The following AHNAK2 variants were observed in gnomAD, a reference collection of about 807,000 sequenced individuals.
The protein encoded by AHNAK2 is AHNAK nucleoprotein 2.
In AHNAK2, 18 loss-of-function variants were observed where a neutral mutation model predicts 30.7. That is an observed-to-expected ratio of 0.59 (90% confidence interval 0.41 to 0.87). The LOEUF is 0.87. AHNAK2 is among the 40% of genes least tolerant of loss of function. The pLI is 0.00. For missense variants in AHNAK2, 8,604 were observed against 7,373.0 expected, an observed-to-expected ratio of 1.17 and a Z score of -6.11; for synonymous variants, 3,590 against 3,073.8, an observed-to-expected ratio of 1.17 and a Z score of -5.56.
chr14:104,971,501 C>T (rs1374078966), intron 1 of AHNAK2, among the ~76,000 whole-genome samples: 1 of 152,130 alleles, frequency 6.6e-6, no homozygotes. Flanking sequence ...CCTTCTGCCT[C>T]AGCCTCCCAA....
intron 1 of AHNAK2, among the ~76,000 whole-genome samples, chr14:104,973,368 G>A (rs761663113): frequency 1.3e-4 from 20 of 152,202 alleles, no homozygotes; most frequent in Admixed American, 4.6e-4. Flanking sequence ...CGTGAAGCTC[G>A]GCATTCTCAG....
Position 104,948,565 on chromosome 14 carries a change from C to G in AHNAK2, c.6886G>C (p.Asp2296His). The change falls in exon 7 of 7, where the codon GAT becomes CAT. Residue 2296 changes from aspartate to histidine, a missense_variant. Physicochemically the swap from Asp to His is moderately conservative, Grantham distance 81. Transcript: ENST00000333244. ...VDVKAPGAKL[D>H]GARLEGDMSL... is the part of the protein sequence containing the mutation. Reference sequence around the variant, plus strand: ...ATGTCCCCCTCCAGCCGCGCACCATCCAGCTTGGCTCCTGGGGCCTTGACG... The same window carrying G: ...ATGTCCCCCTCCAGCCGCGCACCATGCAGCTTGGCTCCTGGGGCCTTGACG... 3 of 1,612,758 alleles carry G rather than the reference C, an allele frequency of 1.9e-6. No homozygotes were observed. Among genetic ancestry groups the G allele is most frequent in the East Asian group, 4.5e-5 (2 of 44,784 alleles).
chr14:104,951,323 G>C lies in AHNAK2; in HGVS notation c.4128C>G (p.Leu1376=), dbSNP rs199679494. 22 of 1,069,112 alleles carry C rather than the reference G, an allele frequency of 2.1e-5. 3 individuals are homozygous for C. The highest frequency in any genetic ancestry group is 1.5e-4 in the African/African-American group (10 of 67,340). The allele number at this position is 1,069,112 out of a possible 1,614,324, so 66.2% of individuals were successfully genotyped here. A position where few individuals can be genotyped will look rare whatever the true frequency, so the allele number is the denominator to read the frequency against. Residue 1376 remains leucine (L), a synonymous_variant, in exon 7 of 7, where the codon CTC becomes CTG. Transcript: ENST00000333244. ...SMQGDLKTTD[L]SIQPPSTDLE... is the part of the protein sequence containing the mutation. Reference sequence around the variant, plus strand: ...GGTCAGTGGAAGGGGGCTGAATGCTGAGGTCAGTGGTCTTGAGGTCCCCCT... The same window carrying C: ...GGTCAGTGGAAGGGGGCTGAATGCTCAGGTCAGTGGTCTTGAGGTCCCCCT...
At chr14:104,977,120 G>T (rs938599234) in intron 1 of AHNAK2, among the ~76,000 whole-genome samples, 1 of 152,222 alleles carries the variant, frequency 6.6e-6, no homozygotes, top group Non-Finnish European at 1.5e-5. Flanking sequence ...TGCAGCTGGG[G>T]GGCATGCCCA....
rs1201243850 is a variant in AHNAK2 at position 104,942,629 on chromosome 14, C to G, written c.12822G>C (p.Lys4274Asn). The G allele has an allele frequency of 6.2e-7, 1 of 1,613,400 alleles. No individual in the cohort carries two copies. The highest frequency in any genetic ancestry group is 8.5e-7 in the Non-Finnish European group (1 of 1,179,684). The change falls in exon 7 of 7, where the codon AAG becomes AAC. Residue 4274 changes from lysine (K) to asparagine (N), a missense_variant. By Grantham distance (94) the Lys-to-Asn change is moderately conservative. Coordinates refer to ENST00000333244, the MANE Select transcript of AHNAK2 (RefSeq NM_138420.4). Reference sequence around the variant, plus strand: ...CACCCTCCAGCCGCACACTGTCCAGCTTGGCTCCCGGGGCCTCGACGTCCA... The same window carrying G: ...CACCCTCCAGCCGCACACTGTCCAGGTTGGCTCCCGGGGCCTCGACGTCCA... ...MEVDVEAPGA[K>N]LDSVRLEGDL...
chr14:104,943,246 G>A lies in AHNAK2; in HGVS notation c.12205C>T (p.Pro4069Ser). ...TTGGGGCCCTTAACATCTATCTGGG[G>A]GCCCTTGAGGTCCACTTTGGGCATC... ...FKMPKVDLKG[P>S]QIDVKGPKLD... The change falls in exon 7 of 7, where the codon CCC becomes TCC. Residue 4069 changes from proline to serine, a missense_variant. Pro to Ser is a moderately conservative substitution (Grantham distance 74, BLOSUM62 -1). Coordinates refer to ENST00000333244, the MANE Select transcript of AHNAK2 (RefSeq NM_138420.4). 4 of 1,612,738 alleles carry A rather than the reference G, an allele frequency of 2.5e-6. No individual in the cohort carries two copies. The highest frequency in any genetic ancestry group is 1.7e-4 in the Middle Eastern group (1 of 6,052).
At position 104,955,159 on chromosome 14, in the gene AHNAK2, A is replaced by G. The variant is rs199549433; in HGVS notation, c.467-18T>C. On this transcript the variant is annotated intron_variant, in intron 5 of 6. Transcript: ENST00000333244. ...CTGATCCCCTAGACCAAGAAAGAGC[A>G]GCCCCAGGGCCGGGTGTGTGAATGA... The G allele has an allele frequency of 3.3e-5, 53 of 1,593,528 alleles. No homozygotes were observed. Among genetic ancestry groups the G allele is most frequent in the Non-Finnish European group, 4.4e-5 (51 of 1,171,426 alleles).
chr14:104,948,588 A>T lies in AHNAK2; in HGVS notation c.6863T>A (p.Val2288Asp), dbSNP rs1175185776. The T allele has an allele frequency of 3.7e-6, 6 of 1,612,422 alleles. No homozygotes were observed. Among genetic ancestry groups the T allele is most frequent in the Non-Finnish European group, 5.1e-6 (6 of 1,179,732 alleles). Residue 2288 changes from valine to aspartate, a missense_variant, in exon 7 of 7, where the codon GTC (valine) becomes GAC (aspartate). Transcript: ENST00000333244. ...EVSLPSVEVD[V>D]KAPGAKLDGA... ...ATCCAGCTTGGCTCCTGGGGCCTTG[A>T]CGTCCACCTCCACGCTGGGCAGAGA... is the stretch of plus-strand genomic sequence containing the variant.
rs764399346 is a variant in AHNAK2, at chr14:104,947,980, G to T, written c.7471C>A (p.Pro2491Thr). ...CCTGGGGCAGACACCCCGAATGACG[G>T]CATCTTGAACTTGGGAATTTTGAAC... is the stretch of plus-strand genomic sequence containing the variant. ...SRFKIPKFKM[P>T]SFGVSAPGKS... The change falls in exon 7 of 7, where the codon CCG becomes ACG. Residue 2491 changes from proline (P) to threonine (T), a missense_variant. Transcript: ENST00000333244. 23 of 1,612,698 alleles carry T rather than the reference G, an allele frequency of 1.4e-5. No homozygotes were observed. In the South Asian group the frequency reaches 2.1e-4, roughly 15 times the overall value.
Position 104,948,013 on chromosome 14 carries a change from C to T in AHNAK2, c.7438G>A (p.Asp2480Asn). 1 of 1,612,662 alleles carries T rather than the reference C, an allele frequency of 6.2e-7. No individual in the cohort carries two copies. Among genetic ancestry groups the T allele is most frequent in the Non-Finnish European group, 8.5e-7 (1 of 1,179,596 alleles). The change falls in exon 7 of 7, where the codon GAC becomes AAC. Residue 2480 changes from aspartate (D) to asparagine (N), a missense_variant. By Grantham distance (23) the Asp-to-Asn change is conservative. Coordinates refer to ENST00000333244, the MANE Select transcript of AHNAK2 (RefSeq NM_138420.4). ...AACTTGGGAATTTTGAACCTGCTGT[C>T]TTTGGTAGTCACATCCTTGTCCGCC... ...SVADKDVTTKDSRFKIPKFKM... is the reference protein window; with the variant it reads ...SVADKDVTTKNSRFKIPKFKM...
chr14:104,953,126 G>A lies in AHNAK2; in HGVS notation c.2325C>T (p.Gly775=). 1.9e-6 allele frequency: 3 copies of A among 1,613,222 alleles called. No individual in the cohort carries two copies. The highest frequency in any genetic ancestry group is 1.7e-6 in the Non-Finnish European group (2 of 1,179,688). The stretch of plus-strand genomic sequence containing the variant: ...TGGGGCCTTTCAGGTCCAGCTTGGG[G>A]CCCTTGAGGTCCACTTTGGGCATCT... The part of the protein sequence containing the change: ...SLKMPKVDLK[G]PKLDLKGPKA... The change falls in exon 7 of 7, where the codon GGC becomes GGT. Residue 775 remains glycine, a synonymous_variant. Transcript: ENST00000333244.
chr14:104,943,084 C>G lies in AHNAK2; in HGVS notation c.12367G>C (p.Asp4123His), dbSNP rs753879484. 1 of 1,612,894 alleles carries G rather than the reference C, an allele frequency of 6.2e-7. No individual in the cohort carries two copies. ...VQLEGDLSLADKDVTAKDSKF... is the reference protein window; with the variant it reads ...VQLEGDLSLAHKDVTAKDSKF... Reference sequence around the variant, plus strand: ...CTGTCTTTGGCAGTCACATCCTTGTCGGCCAGGGACAGGTCCCCCTCCAGC... The same window carrying G: ...CTGTCTTTGGCAGTCACATCCTTGTGGGCCAGGGACAGGTCCCCCTCCAGC... The change falls in exon 7 of 7, where the codon GAC becomes CAC. Residue 4123 changes from aspartate (D) to histidine (H), a missense_variant. By Grantham distance (81) the Asp-to-His change is moderately conservative. Coordinates refer to ENST00000333244, the MANE Select transcript of AHNAK2 (RefSeq NM_138420.4).
In AHNAK2 at chr14:104,966,836, G is replaced by A. The variant is rs1040140248; in HGVS notation, c.56-9164C>T. Among the ~76,000 whole-genome samples, 5 of 152,220 alleles carry A rather than the reference G, an allele frequency of 3.3e-5. No homozygotes were observed. The highest frequency in any genetic ancestry group is 7.3e-5 in the Non-Finnish European group (5 of 68,032). ...AGAGCCTGCCCACCGCTAAGCCAAGGGCAATGGCAGGTAAGCCACTCTCTG... is the reference window on the plus strand; with the variant it reads ...AGAGCCTGCCCACCGCTAAGCCAAGAGCAATGGCAGGTAAGCCACTCTCTG... On this transcript the variant is annotated intron_variant, in intron 1 of 6. Transcript: ENST00000333244. This position sits in a 1 kb window ranked among gnomAD's most constrained non-coding sequence, Gnocchi z 4.3.
Position 104,953,437 on chromosome 14 carries a change from C to T in AHNAK2, c.2014G>A (p.Asp672Asn). The change falls in exon 7 of 7, where the codon GAC becomes AAC. Residue 672 changes from aspartate to asparagine, a missense_variant. Transcript: ENST00000333244. ...AACTTGGGCATTTTGAACTTGCTGT[C>T]TTTGGTGGCCACTTCCTTTTCTGTC... ...ILTEKEVATK[D>N]SKFKMPKFKM... is the part of the protein sequence containing the mutation. The T allele has an allele frequency of 6.2e-7, 1 of 1,614,046 alleles. No individual in the cohort carries two copies. The highest frequency in any genetic ancestry group is 1.3e-5 in the African/African-American group (1 of 75,054).
chr14:104,955,113 G>T lies in AHNAK2; in HGVS notation c.495C>A (p.Phe165Leu). The T allele has an allele frequency of 6.2e-7, 1 of 1,612,252 alleles. No homozygotes were observed. Among genetic ancestry groups the T allele is most frequent in the East Asian group, 2.2e-5 (1 of 44,888 alleles). ...EGDQLLSTTV[F>L]FENIKYEDAL... ...CATCTTCATATTTTATGTTTTCAAA[G>T]AACACGGTTGTACTGAGCAGCTGAT... Residue 165 changes from phenylalanine to leucine, a missense_variant, in exon 6 of 7, where the codon TTC becomes TTA. By Grantham distance (22) the Phe-to-Leu change is conservative. Transcript: ENST00000333244.
Position 104,947,758 on chromosome 14 carries a change from G to A in AHNAK2, c.7693C>T (p.His2565Tyr). Residue 2565 changes from histidine to tyrosine, a missense_variant, in exon 7 of 7, where the codon CAC becomes TAC. Transcript: ENST00000333244. ...CTGGGCATCTGCACCTTGGGCAGGT[G>A]CCCTTTGAGGCCGGCTCCCTCCGGC... The part of the protein sequence containing the change: ...PVPEGAGLKG[H>Y]LPKVQMPSFK... The A allele has an allele frequency of 1.2e-6, 2 of 1,612,720 alleles. No individual in the cohort carries two copies. The highest frequency in any genetic ancestry group is 2.2e-5 in the East Asian group (1 of 44,734).
Position 104,939,611 on chromosome 14 carries a change from C to A in AHNAK2, c.15840G>T (p.Leu5280=). Residue 5280 remains leucine (L), a synonymous_variant, in exon 7 of 7, where the codon CTG becomes CTT. Transcript: ENST00000333244. ...RCDLDSTGLK[L]HLSTAGMTGD... ...CAGTCATCCCAGCAGTGGAGAGGTG[C>A]AGCTTCAAGCCTGTGCTGTCAAGAT... 6.2e-7 allele frequency: 1 copy of A among 1,613,880 alleles called. No individual in the cohort carries two copies. Among genetic ancestry groups the A allele is most frequent in the African/African-American group, 1.3e-5 (1 of 75,060 alleles).
Position 104,943,789 on chromosome 14 carries a change from T to TG in AHNAK2, c.11661dup (p.Lys3888GlnfsTer18). 6.2e-7 allele frequency: 1 copy of TG among 1,613,096 alleles called. No individual in the cohort carries two copies. The highest frequency in any genetic ancestry group is 8.5e-7 in the Non-Finnish European group (1 of 1,179,556). The stretch of plus-strand genomic sequence containing the variant: ...ATCTTGAAACTGGGCATCTGCACCT[T>TG]GGGCAGGTGTCCTTTGAGGCCGGCT... On this transcript the variant is annotated frameshift_variant, in exon 7 of 7. Transcript: ENST00000333244. LOFTEE classifies it low-confidence loss of function (END_TRUNC).
In AHNAK2 at chr14:104,948,755, G is replaced by C; in HGVS notation, c.6696C>G (p.Leu2232=). 6.2e-7 allele frequency: 1 copy of C among 1,611,920 alleles called. No individual in the cohort carries two copies. The highest frequency in any genetic ancestry group is 1.1e-5 in the South Asian group (1 of 91,040). The part of the protein sequence containing the change: ...LEGPVPEEVG[L]KGHLPKLQMP... Reference sequence around the variant, plus strand: ...TCTGCAGCTTGGGCAGGTGCCCTTTGAGGCCGACTTCCTCGGGCACAGGGC... The same window carrying C: ...TCTGCAGCTTGGGCAGGTGCCCTTTCAGGCCGACTTCCTCGGGCACAGGGC... The change falls in exon 7 of 7, where the codon CTC becomes CTG. Residue 2232 remains leucine, a synonymous_variant. Coordinates refer to ENST00000333244, the MANE Select transcript of AHNAK2 (RefSeq NM_138420.4).
Sources: allele counts gnomAD v4.1 joint callset (sites outside exome capture counted in the v4.1 genomes callset), GRCh38; gene constraint gnomAD v4.1.1; non-coding constraint Gnocchi (gnomAD v3.1); transcripts MANE v1.5; gene names NCBI Gene and HGNC (gene_info 2026-07-23, HGNC 2026-07-21).